Variants in SCPEP1 observed in about 807,000 individuals in gnomAD.
SCPEP1 encodes the protein serine carboxypeptidase 1.
Under a neutral mutation model 63.8 loss-of-function variants are expected in SCPEP1, and 51 were observed. The ratio of observed to expected loss-of-function variants is 0.80; its 90% CI spans 0.64 to 1.01. The LOEUF is 1.01. Ranked by LOEUF, SCPEP1 falls within the 50% of genes least tolerant of loss-of-function variation. The pLI is 0.00. For missense variants in SCPEP1, 499 were observed against 554.9 expected, an observed-to-expected ratio of 0.90 and a Z score of 1.01; for synonymous variants, 204 against 207.8, an observed-to-expected ratio of 0.98 and a Z score of 0.16.
chr17:56,986,161 C>T (rs774377309), intron 3 of SCPEP1, among the ~76,000 whole-genome samples: 19 of 152,136 alleles, frequency 1.2e-4, no homozygotes, highest in Non-Finnish European at 2.6e-4. Flanking sequence ...GAATGTTCTC[C>T]ACTTTCCTCA....
intron 3 of SCPEP1, chr17:56,987,419 C>T (rs890896298): frequency 2.7e-5 from 9 of 330,000 alleles, no homozygotes; most frequent in African/African-American, 1.5e-4. Flanking sequence ...AGCAACAGCC[C>T]AGATTATTTG....
Position 56,991,187 on chromosome 17 carries a change from T to C in SCPEP1, c.619+16T>C. ...TCCCCTGTTGGTAAGTGTGGCATTT[T>C]CAGGCATTTTTTCACTCCCCTTTTG... On this transcript the variant is annotated intron_variant, in intron 6 of 12. Transcript: ENST00000262288. 1 of 1,608,344 alleles carries C rather than the reference T, an allele frequency of 6.2e-7. No homozygotes were observed. Among genetic ancestry groups the C allele is most frequent in the Non-Finnish European group, 8.5e-7 (1 of 1,174,684 alleles).
chr17:56,990,247 G>A lies in SCPEP1; in HGVS notation c.547-852G>A, dbSNP rs16957926. 8.4e-3 allele frequency among the ~76,000 whole-genome samples: 1,274 copies of A among 152,314 alleles called. 21 individuals are homozygous for A. Among genetic ancestry groups the A allele is most frequent in the African/African-American group, 0.028 (1,184 of 41,564 alleles). The stretch of plus-strand genomic sequence containing the variant: ...TACATGACACACTTAACTGCAGTCA[G>A]TTGGTGAGTGTGAGGGCACAAATGA... On this transcript the variant is annotated intron_variant, in intron 5 of 12. Coordinates refer to ENST00000262288, the MANE Select transcript of SCPEP1 (RefSeq NM_021626.3).
chr17:57,002,193 C>G lies in SCPEP1; in HGVS notation c.1296+12C>G. 1 of 1,611,016 alleles carries G rather than the reference C, an allele frequency of 6.2e-7. No individual in the cohort carries two copies. The highest frequency in any genetic ancestry group is 8.5e-7 in the Non-Finnish European group (1 of 1,178,866). ...AAGCTGGTCATATGGTAAGAAAGAG[C>G]TTTTGTTCCAGACTTAAAAATCATC... On this transcript the variant is annotated intron_variant, in intron 12 of 12. Coordinates refer to ENST00000262288, the MANE Select transcript of SCPEP1 (RefSeq NM_021626.3).
At chr17:57,002,293 C>G (rs372037087) in intron 12 of SCPEP1, 112 bp downstream of exon 12, 8 of 1,052,444 alleles carry the variant, frequency 7.6e-6, no homozygotes, top group Non-Finnish European at 1.1e-5. Context: ...GTACGAGGGC[C>G]CGAGGGCCAG....
At chr17:56,980,788 CAAAAAAAAAAAAAA>C (rs10716600) in intron 1 of SCPEP1, among the ~76,000 whole-genome samples, 1,226 of 77,242 alleles carry the variant, frequency 0.016, 27 homozygotes, top group African/African-American at 0.055. Context: ...GACTTCGTAT[CAAAAAAAAAAAAAA>C]AAAAAAAAAA....
intron 12 of SCPEP1, among the ~76,000 whole-genome samples, chr17:57,004,015 A>T (rs552448935): frequency 2.0e-5 from 3 of 152,172 alleles, no homozygotes; most frequent in Non-Finnish European, 4.4e-5. Flanking sequence ...CTTGGCTAAC[A>T]TGGAGAAACC....
At chr17:56,987,487 G>T (rs1911257969) in intron 3 of SCPEP1, 3 of 394,626 alleles carry the variant, frequency 7.6e-6, no homozygotes, top group Middle Eastern at 6.8e-4. Context: ...TTTTGCGGCG[G>T]CGGGGGCGGT....
In SCPEP1 at chr17:56,985,603, A is replaced by G. The variant is rs984934265; in HGVS notation, c.315+136A>G. ...TCCTGTGACTACTGAGGCCATGGGC[A>G]CTTGTCCGCAGGCTTCCTCTCTGGC... is the stretch of plus-strand genomic sequence containing the variant. On this transcript the variant is annotated intron_variant, in intron 3 of 12. Coordinates refer to ENST00000262288, the MANE Select transcript of SCPEP1 (RefSeq NM_021626.3). The G allele has an allele frequency of 1.3e-5, 9 of 670,134 alleles. No homozygotes were observed. In the Admixed American group the frequency reaches 1.9e-4, roughly 14 times the overall value. The allele number at this position is 670,134 out of a possible 1,614,324, so 41.5% of individuals were successfully genotyped here. A position where few individuals can be genotyped will look rare whatever the true frequency, so the allele number is the denominator to read the frequency against.
intron 12 of SCPEP1, among the ~76,000 whole-genome samples, chr17:57,004,779 T>G (rs762581862): frequency 1.3e-5 from 2 of 152,222 alleles, no homozygotes; most frequent in Non-Finnish European, 2.9e-5. Flanking sequence ...GGTGGCTATT[T>G]CAGCCACCCA....
At position 57,002,144 on chromosome 17, in the gene SCPEP1, A is replaced by G; in HGVS notation, c.1259A>G (p.Asn420Ser). The change falls in exon 12 of 13, where the codon AAC becomes AGC. Residue 420 changes from asparagine (N) to serine (S), a missense_variant. Physicochemically the swap from Asn to Ser is conservative, Grantham distance 46. Coordinates refer to ENST00000262288, the MANE Select transcript of SCPEP1 (RefSeq NM_021626.3). ...TCTGCTTTTGTCAAGTCCTACAAGAACCTTGCTTTCTACTGGATTCTGAAA... is the reference window on the plus strand; with the variant it reads ...TCTGCTTTTGTCAAGTCCTACAAGAGCCTTGCTTTCTACTGGATTCTGAAA... ...ETSAFVKSYK[N>S]LAFYWILKAG... is the part of the protein sequence containing the mutation. The G allele has an allele frequency of 6.2e-7, 1 of 1,614,208 alleles. No homozygotes were observed. The highest frequency in any genetic ancestry group is 8.5e-7 in the Non-Finnish European group (1 of 1,180,028).
At chr17:56,987,657 T>A in intron 3 of SCPEP1, 38 bp from the exon 4 acceptor site, 1 of 1,600,896 alleles carries the variant, frequency 6.2e-7, no homozygotes. Context: ...TGACCAAATG[T>A]CTGATTGCAA....
At chr17:56,990,311 A>G (rs1302222477) in intron 5 of SCPEP1, among the ~76,000 whole-genome samples, 1 of 152,228 alleles carries the variant, frequency 6.6e-6, no homozygotes, top group Non-Finnish European at 1.5e-5. Flanking sequence ...TCTATCTCCT[A>G]TGTTTGAATA....
chr17:56,997,222 A>G (rs754192349), intron 9 of SCPEP1, 167 bp downstream of exon 9: 3 of 465,004 alleles, frequency 6.5e-6, no homozygotes, highest in Non-Finnish European at 1.1e-5. Flanking sequence ...AGTCATCACT[A>G]CAATCCAGTT....
At chr17:56,996,565 A>G (rs1364236332) in intron 8 of SCPEP1, among the ~76,000 whole-genome samples, 2 of 131,946 alleles carry the variant, frequency 1.5e-5, no homozygotes, top group African/African-American at 2.9e-5. Flanking sequence ...TGTCACCCAC[A>G]CTGTAGTGCA....
At chr17:56,997,641 CTG>C (rs1489834145) in intron 9 of SCPEP1, among the ~76,000 whole-genome samples, 2 of 152,266 alleles carry the variant, frequency 1.3e-5, no homozygotes, top group Admixed American at 6.5e-5. Flanking sequence ...GCAAAAGTAA[CTG>C]TGGTTTTTGA....
chr17:57,002,461 A>G (rs1400807685), intron 12 of SCPEP1, among the ~76,000 whole-genome samples: 1 of 152,218 alleles, frequency 6.6e-6, no homozygotes, highest in Non-Finnish European at 1.5e-5. Context: ...CATGCCTGCA[A>G]TCCCAGCACT....
intron 8 of SCPEP1, 83 bp downstream of exon 8, chr17:56,995,718 G>GATACGGCGACCACC: frequency 6.8e-7 from 1 of 1,471,320 alleles, no homozygotes; most frequent in Non-Finnish European, 9.1e-7. Context: ...TGTCAAACTT[G>GATACGGCGACCACC]GAGTCTACAC....
Position 57,006,444 on chromosome 17 carries a change from T to A in SCPEP1, c.*209T>A, listed in dbSNP as rs902806763. 13 of 379,122 alleles carry A rather than the reference T, an allele frequency of 3.4e-5. No individual in the cohort carries two copies. Among genetic ancestry groups the A allele is most frequent in the Admixed American group, 1.3e-4 (3 of 22,386 alleles). 23.5% of individuals were successfully genotyped at this position (379,122 alleles called of 1,614,324 possible). A position where few individuals can be genotyped will look rare whatever the true frequency, so the allele number is the denominator to read the frequency against. ...CTTCTTAAAAAAACCTAAGATTTTT[T>A]AAAAAATTGATTTGTTTTGATCAAA... is the stretch of plus-strand genomic sequence containing the variant. On this transcript the variant is annotated 3_prime_UTR_variant, in exon 13 of 13. Coordinates refer to ENST00000262288, the MANE Select transcript of SCPEP1 (RefSeq NM_021626.3).
Sources: gnomAD v4.1 joint callset for allele counts (sites outside exome capture counted in the v4.1 genomes callset) on GRCh38, gnomAD v4.1.1 for gene constraint, MANE v1.5 for transcripts, NCBI Gene and HGNC (gene_info 2026-07-23, HGNC 2026-07-21) for gene names.